ADH5: variants seen among roughly 807,000 people sequenced by gnomAD.
The protein encoded by ADH5 is alcohol dehydrogenase class-3.
ADH5 carries 32 observed loss-of-function variants against 40.3 expected under a neutral mutation model. The ratio of observed to expected loss-of-function variants is 0.79; its 90% CI spans 0.60 to 1.07. ADH5 has a LOEUF of 1.07. Among genes scored for constraint, ADH5 ranks in the 50% least tolerant of loss-of-function variants. The probability of loss-of-function intolerance (pLI) is 0.00; values close to 1 mark genes in which losing one functional copy is unlikely to be tolerated. For missense variants in ADH5, 353 were observed against 460.5 expected (o/e 0.77, Z 2.14); for synonymous variants, 125 against 154.3 (o/e 0.81, Z 1.41).
chr4:99,074,552 G>C (rs28730632), intron 7 of ADH5, among the ~76,000 whole-genome samples: 184 of 152,088 alleles, frequency 1.2e-3, no homozygotes, highest in African/African-American at 4.4e-3. Context: ...AAGCTACTTG[G>C]GTCCACAAGA....
chr4:99,088,785 C>CGGGG lies in ADH5; in HGVS notation c.-86_-85insCCCC. 4.1e-6 allele frequency: 1 copy of CGGGG among 246,690 alleles called. No individual in the cohort carries two copies. The highest frequency in any genetic ancestry group is 6.5e-6 in the Non-Finnish European group (1 of 153,904). 15.3% of individuals were successfully genotyped at this position (246,690 alleles called of 1,614,324 possible). On this transcript the variant is annotated 5_prime_UTR_variant, in exon 1 of 9. Coordinates refer to ENST00000296412, the MANE Select transcript of ADH5 (RefSeq NM_000671.4). ...AGGCATGGGCGTGGCGAGCGCCTAGCGAGGGGGGCGGGGCGTGGGGGGGGC... is the reference window on the plus strand; with the variant it reads ...AGGCATGGGCGTGGCGAGCGCCTAGCGGGGGAGGGGGGCGGGGCGTGGGGGGGGC...
At position 99,072,129 on chromosome 4, in the gene ADH5, A is replaced by G; in HGVS notation, c.*288T>C. 3.0e-6 allele frequency: 1 copy of G among 336,672 alleles called. No individual in the cohort carries two copies. Among genetic ancestry groups the G allele is most frequent in the Non-Finnish European group, 5.4e-6 (1 of 186,104 alleles). The allele number at this position is 336,672 out of a possible 1,614,324, so 20.9% of individuals were successfully genotyped here. Reference sequence around the variant, plus strand: ...GCAGACAAACCGTGACAATGATGACAGCATAAAACAAGACAATTTCCACAC... The same window carrying G: ...GCAGACAAACCGTGACAATGATGACGGCATAAAACAAGACAATTTCCACAC... On this transcript the variant is annotated 3_prime_UTR_variant, in exon 9 of 9. Coordinates refer to ENST00000296412, the MANE Select transcript of ADH5 (RefSeq NM_000671.4).
At chr4:99,072,839 T>C (rs1727858622) in intron 7 of ADH5, 128 bp from the exon 8 acceptor site, 1 of 805,750 alleles carries the variant, frequency 1.2e-6, no homozygotes, top group East Asian at 2.5e-5. Context: ...AACTCCAAAA[T>C]AGCATGGAGA....
intron 2 of ADH5, among the ~76,000 whole-genome samples, chr4:99,082,471 G>C (rs924627669): frequency 6.6e-6 from 1 of 152,138 alleles, no homozygotes; most frequent in Admixed American, 6.6e-5. Flanking sequence ...GTGCAAAACA[G>C]GTGGAATCCA....
In ADH5 at chr4:99,088,725, G is replaced by A. The variant is rs755493701; in HGVS notation, c.-25C>T. 5 of 1,606,256 alleles carry A rather than the reference G, an allele frequency of 3.1e-6. No homozygotes were observed. Among genetic ancestry groups the A allele is most frequent in the African/African-American group, 1.3e-5 (1 of 74,592 alleles). On this transcript the variant is annotated 5_prime_UTR_variant, in exon 1 of 9. Transcript: ENST00000296412. ...TGTTCACGGATTCTGGTCGGCGCGG[G>A]GGGCTGACATCCGGGGTGGGCCGCG...
chr4:99,082,190 CATTTT>C, intron 2 of ADH5, 74 bp from the exon 3 acceptor site: 1 of 1,448,130 alleles, frequency 6.9e-7, no homozygotes. Flanking sequence ...CAAGAAAAGT[CATTTT>C]ATTATAATAC....
chr4:99,082,172 T>A (rs1013056712), intron 2 of ADH5, 56 bp from the exon 3 acceptor site: 2 of 1,545,714 alleles, frequency 1.3e-6, no homozygotes, highest in Non-Finnish European at 1.8e-6. Context: ...AATTCAGAGG[T>A]ACAGATACAA....
In ADH5 at chr4:99,076,349, C is replaced by G; in HGVS notation, c.768G>C (p.Glu256Asp). The part of the protein sequence containing the change: ...FSKPIQEVLI[E>D]MTDGGVDYSF... ...AATAGTCCACTCCTCCATCGGTCAT[C>G]TCAATGAGCACTTCCTGGATGGGTT... is the stretch of plus-strand genomic sequence containing the variant. The change falls in exon 6 of 9, where the codon GAG becomes GAC. Residue 256 changes from glutamate (E) to aspartate (D), a missense_variant. Physicochemically the swap from Glu to Asp is conservative, Grantham distance 45. Coordinates refer to ENST00000296412, the MANE Select transcript of ADH5 (RefSeq NM_000671.4). 6.2e-7 allele frequency: 1 copy of G among 1,614,166 alleles called. No individual in the cohort carries two copies. Among genetic ancestry groups the G allele is most frequent in the Non-Finnish European group, 8.5e-7 (1 of 1,180,000 alleles).
intron 7 of ADH5, among the ~76,000 whole-genome samples, chr4:99,073,911 G>GA (rs1256762500): frequency 7.9e-5 from 12 of 152,130 alleles, no homozygotes; most frequent in African/African-American, 2.7e-4. Context: ...TGATACCCCC[G>GA]AATAGCATAC....
intron 4 of ADH5, among the ~76,000 whole-genome samples, chr4:99,079,613 G>A (rs1727989956): frequency 6.6e-6 from 1 of 151,688 alleles, no homozygotes; most frequent in Admixed American, 6.6e-5. Flanking sequence ...TACACCTTAA[G>A]TGCTTTATAA....
At chr4:99,082,227 CACATTT>C in intron 2 of ADH5, 111 bp from the exon 3 acceptor site, 1 of 1,129,270 alleles carries the variant, frequency 8.9e-7, no homozygotes, top group Non-Finnish European at 1.2e-6. Flanking sequence ...GACTCTAAGA[CACATTT>C]CTTTCATATT....
At position 99,072,567 on chromosome 4, in the gene ADH5, G is replaced by A. The variant is rs1452412309; in HGVS notation, c.1100+6C>T. ...ACATTCTATGATATATAAAGAGAAAGCCTACCTCTTTCCAGAATGCATCAG... is the reference window on the plus strand; with the variant it reads ...ACATTCTATGATATATAAAGAGAAAACCTACCTCTTTCCAGAATGCATCAG... On this transcript the variant is annotated splice_donor_region_variant and intron_variant, in intron 8 of 8. Coordinates refer to ENST00000296412, the MANE Select transcript of ADH5 (RefSeq NM_000671.4). The A allele has an allele frequency of 3.1e-6, 5 of 1,610,340 alleles. No homozygotes were observed. Among genetic ancestry groups the A allele is most frequent in the Non-Finnish European group, 2.5e-6 (3 of 1,178,826 alleles).
At chr4:99,079,401 G>T (rs1154413) in intron 4 of ADH5, among the ~76,000 whole-genome samples, 20,130 of 147,746 alleles carry the variant, frequency 0.14, 2,543 homozygotes, top group East Asian at 0.73. Context: ...AGCATGCACT[G>T]CATGACTCTA....
chr4:99,074,793 A>G, intron 7 of ADH5, 121 bp downstream of exon 7: 2 of 1,168,808 alleles, frequency 1.7e-6, no homozygotes, highest in Non-Finnish European at 2.4e-6. Flanking sequence ...GCAACAACTT[A>G]TAATGAGAAG....
At chr4:99,086,542 G>C (rs1728135637) in intron 1 of ADH5, among the ~76,000 whole-genome samples, 1 of 152,148 alleles carries the variant, frequency 6.6e-6, no homozygotes, top group Non-Finnish European at 1.5e-5. Context: ...TGCTTGGTTT[G>C]GGAGAGCTTC....
intron 3 of ADH5, 167 bp from the exon 4 acceptor site, chr4:99,081,619 A>C (rs1728025631): frequency 1.7e-6 from 1 of 592,594 alleles, no homozygotes; most frequent in South Asian, 2.5e-5. Context: ...ACCATGCAAA[A>C]AGTATGTTTC....
At chr4:99,083,654 C>T (rs1159754036) in intron 2 of ADH5, among the ~76,000 whole-genome samples, 1 of 146,662 alleles carries the variant, frequency 6.8e-6, no homozygotes, top group Non-Finnish European at 1.5e-5. Flanking sequence ...TGGTCCTGGT[C>T]TGCTCCACCT....
chr4:99,079,983 C>G (rs1356052937), intron 4 of ADH5: 3 of 455,186 alleles, frequency 6.6e-6, no homozygotes, highest in East Asian at 7.0e-5. Flanking sequence ...CCTTTAGTTT[C>G]TCTTTTATCT....
rs758564564 is a variant in ADH5, at chr4:99,072,208, T to C, written c.*209A>G. 2.2e-6 allele frequency: 1 copy of C among 455,544 alleles called. No individual in the cohort carries two copies. Among genetic ancestry groups the C allele is most frequent in the Non-Finnish European group, 4.0e-6 (1 of 251,168 alleles). 28.2% of individuals were successfully genotyped at this position (455,544 alleles called of 1,614,324 possible). On this transcript the variant is annotated 3_prime_UTR_variant, in exon 9 of 9. Transcript: ENST00000296412. ...AAATATTCCTTAATAAACTAGCAAT[T>C]ATTTATGTGGAGGAGCATCCAGAAA...
Sources: gnomAD v4.1 joint callset for allele counts (sites outside exome capture counted in the v4.1 genomes callset) on GRCh38, gnomAD v4.1.1 for gene constraint, MANE v1.5 for transcripts, NCBI Gene and HGNC (gene_info 2026-07-23, HGNC 2026-07-21) for gene names.